GARRE1: variants seen among roughly 807,000 people sequenced by gnomAD.
The protein encoded by GARRE1 is granule associated Rac and RHOG effector 1, also known as granule associated Rac and RHOG effector protein 1.
In GARRE1, 49 loss-of-function variants were observed where a neutral mutation model predicts 103.2. The observed-to-expected ratio is 0.47, with a 90% CI of 0.38 to 0.60. The LOEUF is 0.60. Among genes scored for constraint, GARRE1 ranks in the 20% least tolerant of loss-of-function variants. The pLI, the probability that GARRE1 is intolerant of heterozygous loss-of-function variation, is 0.00. For missense variants in GARRE1, 1,199 were observed against 1,370.5 expected (o/e 0.87, Z 1.98); for synonymous variants, 505 against 532.8 (o/e 0.95, Z 0.72).
intron 3 of GARRE1, among the ~76,000 whole-genome samples, chr19:34,325,287 G>C (rs950779437): frequency 7.9e-5 from 12 of 152,156 alleles, no homozygotes; most frequent in African/African-American, 2.9e-4. Flanking sequence ...CTGTGTCCTT[G>C]GAGGGGGCTC....
At chr19:34,323,423 T>C (rs2074098580) in intron 3 of GARRE1, among the ~76,000 whole-genome samples, 1 of 152,234 alleles carries the variant, frequency 6.6e-6, no homozygotes, top group Admixed American at 6.5e-5. Context: ...TCTAGTTTTA[T>C]TATTTCAATT....
chr19:34,312,749 A>G (rs539701226), intron 2 of GARRE1, among the ~76,000 whole-genome samples: 4 of 152,276 alleles, frequency 2.6e-5, no homozygotes, highest in African/African-American at 9.6e-5. Flanking sequence ...CAACATGGTG[A>G]AACCCCATCT....
At chr19:34,282,339 A>T (rs1232607683) in intron 1 of GARRE1, among the ~76,000 whole-genome samples, 2 of 152,080 alleles carry the variant, frequency 1.3e-5, no homozygotes, top group Admixed American at 6.6e-5. Context: ...TTTAGTAGAG[A>T]CGGGGTTTCA....
intron 1 of GARRE1, among the ~76,000 whole-genome samples, chr19:34,293,599 G>T (rs1305825657): frequency 6.6e-6 from 1 of 151,044 alleles, no homozygotes; most frequent in East Asian, 1.9e-4. Flanking sequence ...GTTTCGCCAT[G>T]TTGCCCAGGC....
chr19:34,348,001 C>CTTTTTTAAT lies in GARRE1; in HGVS notation c.2646_2647insTTTTTTAAT (p.Asp882_Ala883insPhePheAsn), dbSNP rs2074220157. On this transcript the variant is annotated inframe_insertion, in exon 11 of 14. Transcript: ENST00000299505. ...GGGGCAACTGGCCGCCTATGGATGA[C>CTTTTTTAAT]GCGCATCGGACCTGGCCCTTCCCCG... The CTTTTTTAAT allele has an allele frequency of 6.4e-7, 1 of 1,564,302 alleles. No individual in the cohort carries two copies. The highest frequency in any genetic ancestry group is 1.2e-5 in the South Asian group (1 of 85,120).
In GARRE1 at chr19:34,352,664, G is replaced by T. The variant is rs775350907; in HGVS notation, c.2922G>T (p.Thr974=). 1.2e-6 allele frequency: 2 copies of T among 1,608,610 alleles called. No homozygotes were observed. The highest frequency in any genetic ancestry group is 2.7e-5 in the African/African-American group (2 of 74,748). ...TTTCTCAGGATAACAAAACCAAAACGTGGCCACCCAAAGCACCCTGGCAGC... is the reference window on the plus strand; with the variant it reads ...TTTCTCAGGATAACAAAACCAAAACTTGGCCACCCAAAGCACCCTGGCAGC... ...EDVNQDNKTK[T]WPPKAPWQHP... Residue 974 remains threonine (T), a synonymous_variant, in exon 14 of 14, where the codon ACG becomes ACT. Coordinates refer to ENST00000299505, the MANE Select transcript of GARRE1 (RefSeq NM_014686.5).
chr19:34,310,532 A>C (rs1271632123), intron 2 of GARRE1, among the ~76,000 whole-genome samples: 1 of 152,210 alleles, frequency 6.6e-6, no homozygotes, highest in Non-Finnish European at 1.5e-5. Context: ...GGCACCCCTG[A>C]GCACCCTTGC....
intron 1 of GARRE1, among the ~76,000 whole-genome samples, chr19:34,273,059 C>T (rs1008434832): frequency 6.6e-6 from 1 of 152,122 alleles, no homozygotes; most frequent in African/African-American, 2.4e-5. Flanking sequence ...AAAAATTAGC[C>T]AGGTGTGTGA....
rs60232252 is a variant in GARRE1, at chr19:34,327,803, C to T, written c.879C>T (p.His293=). The T allele has an allele frequency of 5.4e-5, 87 of 1,614,152 alleles. No homozygotes were observed. The African/African-American group carries it at 1.0e-3, about 19-fold the overall frequency. ...AYKIALESLG[H]CEYAMKAGFH... is the part of the protein sequence containing the mutation. Reference sequence around the variant, plus strand: ...AGATAGCTCTGGAAAGCTTAGGACACTGTGAATATGCAATGAAAGCCGGCT... The same window carrying T: ...AGATAGCTCTGGAAAGCTTAGGACATTGTGAATATGCAATGAAAGCCGGCT... Residue 293 remains histidine, a synonymous_variant, in exon 5 of 14, where the codon CAC becomes CAT. Coordinates refer to ENST00000299505, the MANE Select transcript of GARRE1 (RefSeq NM_014686.5).
rs144093159 is a variant in GARRE1, at chr19:34,327,833, C to A, written c.909C>A (p.His303Gln). 6.2e-7 allele frequency: 1 copy of A among 1,614,220 alleles called. No homozygotes were observed. The highest frequency in any genetic ancestry group is 2.2e-5 in the East Asian group (1 of 44,880). Residue 303 changes from histidine (H) to glutamine (Q), a missense_variant, in exon 5 of 14, where the codon CAC becomes CAA. Transcript: ENST00000299505. ...AATATGCAATGAAAGCCGGCTTCCACCTGAATCCAAAGGCGATTGAAGCAA... is the reference window on the plus strand; with the variant it reads ...AATATGCAATGAAAGCCGGCTTCCAACTGAATCCAAAGGCGATTGAAGCAA... Reference protein sequence around the residue: ...HCEYAMKAGFHLNPKAIEASL... With the variant: ...HCEYAMKAGFQLNPKAIEASL...
chr19:34,294,845 T>C (rs2073938962), intron 1 of GARRE1, among the ~76,000 whole-genome samples: 1 of 152,162 alleles, frequency 6.6e-6, no homozygotes, highest in African/African-American at 2.4e-5. Context: ...GGCTAATTTT[T>C]TTTGTATTCT....
At chr19:34,270,434 T>C (rs1409618637) in intron 1 of GARRE1, among the ~76,000 whole-genome samples, 3 of 152,198 alleles carry the variant, frequency 2.0e-5, no homozygotes, top group African/African-American at 7.2e-5. Context: ...TGGAATGTCG[T>C]GGCCCTGTGG....
intron 2 of GARRE1, among the ~76,000 whole-genome samples, chr19:34,302,238 C>G (rs550930095): frequency 5.2e-4 from 78 of 149,764 alleles, no homozygotes; most frequent in Non-Finnish European, 8.3e-4. Context: ...GTGATCCGCC[C>G]GCCTCAGCCT....
In GARRE1 at chr19:34,300,871, C is replaced by T. The variant is rs1568535684; in HGVS notation, c.398C>T (p.Ser133Leu). Residue 133 changes from serine (S) to leucine (L), a missense_variant, in exon 2 of 14, where the codon TCG (serine) becomes TTG (leucine). Transcript: ENST00000299505. The part of the protein sequence containing the change: ...HVMEAASRLT[S>L]AIKPEIAKML... ...ATGGAAGCAGCCAGTCGGCTGACCT[C>T]GGCCATAAAGCCTGAGATCGCCAAG... The T allele has an allele frequency of 3.1e-6, 5 of 1,613,168 alleles. No homozygotes were observed. Among genetic ancestry groups the T allele is most frequent in the Non-Finnish European group, 4.2e-6 (5 of 1,180,036 alleles).
At chr19:34,258,212 C>G (rs2145948282) in intron 1 of GARRE1, among the ~76,000 whole-genome samples, 1 of 152,282 alleles carries the variant, frequency 6.6e-6, no homozygotes, top group Non-Finnish European at 1.5e-5. Context: ...TTCCTGAAAT[C>G]TGTGACTGCA....
chr19:34,336,643 G>A (rs1172571708), intron 8 of GARRE1, among the ~76,000 whole-genome samples: 1 of 151,856 alleles, frequency 6.6e-6, no homozygotes, highest in African/African-American at 2.4e-5. Context: ...AATAACTTTT[G>A]TGTTTTTAGT....
chr19:34,321,796 T>G (rs2145261973), intron 3 of GARRE1, among the ~76,000 whole-genome samples: 1 of 152,276 alleles, frequency 6.6e-6, no homozygotes, highest in Non-Finnish European at 1.5e-5. Flanking sequence ...CTTTTATCCC[T>G]TGGAAGATCA....
chr19:34,344,404 A>C (rs1289518624), intron 10 of GARRE1, among the ~76,000 whole-genome samples: 2 of 151,820 alleles, frequency 1.3e-5, no homozygotes, highest in African/African-American at 2.4e-5. Flanking sequence ...TCCCGGCTAA[A>C]ACGGTGAAAC....
Position 34,354,079 on chromosome 19 carries a change from A to G in GARRE1, c.*1124A>G, listed in dbSNP as rs894316526. 1 of 152,610 alleles carries G rather than the reference A, an allele frequency of 6.6e-6. No homozygotes were observed. Among genetic ancestry groups the G allele is most frequent in the Admixed American group, 6.6e-5 (1 of 15,260 alleles). The allele number at this position is 152,610 out of a possible 1,614,324, so 9.5% of individuals were successfully genotyped here. The stretch of plus-strand genomic sequence containing the variant: ...ATAAATATATCTATATAGAATAGAC[A>G]TATCCCACTGTATATTAATTGAGGT... On this transcript the variant is annotated 3_prime_UTR_variant, in exon 14 of 14. Coordinates refer to ENST00000299505, the MANE Select transcript of GARRE1 (RefSeq NM_014686.5).
Sources: allele counts gnomAD v4.1 joint callset (sites outside exome capture counted in the v4.1 genomes callset), GRCh38; gene constraint gnomAD v4.1.1; transcripts MANE v1.5; gene names NCBI Gene and HGNC (gene_info 2026-07-23, HGNC 2026-07-21).